ADGRD1: variants seen among roughly 807,000 people sequenced by gnomAD.
The protein encoded by ADGRD1 is adhesion G protein-coupled receptor D1.
Under a neutral mutation model 113.4 loss-of-function variants are expected in ADGRD1, and 77 were observed. The observed-to-expected ratio is 0.68, with a 90% CI of 0.57 to 0.82. ADGRD1 has a LOEUF of 0.82. Ranked by LOEUF, ADGRD1 falls within the 40% of genes least tolerant of loss-of-function variation. ADGRD1 has a pLI of 0.00. For missense variants in ADGRD1, 1,036 were observed against 1,139.1 expected (o/e 0.91, Z 1.30); for synonymous variants, 474 against 475.0 (o/e 1.00, Z 0.03).
intron 13 of ADGRD1, among the ~76,000 whole-genome samples, chr12:131,014,993 T>C (rs1466954732): frequency 6.6e-6 from 1 of 152,266 alleles, no homozygotes; most frequent in Non-Finnish European, 1.5e-5. Context: ...GCCAGGTTCA[T>C]GTCAGGAGGT....
chr12:130,991,197 TG>T, intron 7 of ADGRD1, 119 bp downstream of exon 7: 1 of 738,884 alleles, frequency 1.4e-6, no homozygotes, highest in Admixed American at 2.4e-5. Context: ...GTACATTGTC[TG>T]GGAAGAAATA....
At chr12:131,137,164 C>T (rs979274395) in intron 23 of ADGRD1, 150 bp downstream of exon 23, 25 of 695,488 alleles carry the variant, frequency 3.6e-5, no homozygotes, top group Non-Finnish European at 6.5e-5. Flanking sequence ...AGTTGTGTGC[C>T]CTGGGGCCTG....
At chr12:131,070,706 C>T (rs1005942617) in intron 13 of ADGRD1, 1 of 440,146 alleles carries the variant, frequency 2.3e-6, no homozygotes, top group Non-Finnish European at 4.7e-6. Flanking sequence ...AGGGCGTGTC[C>T]ATCACTGCAA....
intron 6 of ADGRD1, chr12:130,988,376 C>CTGCT (rs1873951872): frequency 3.3e-5 from 5 of 152,200 alleles, no homozygotes; most frequent in Admixed American, 2.6e-4. Context: ...CCCATGTAGG[C>CTGCT]ACTCACAAAC....
At chr12:131,097,757 C>G (rs572503927) in intron 15 of ADGRD1, among the ~76,000 whole-genome samples, 52 of 152,340 alleles carry the variant, frequency 3.4e-4, no homozygotes, top group African/African-American at 1.3e-3. Context: ...GCCAGCCTGG[C>G]CGGGACAGGG....
intron 15 of ADGRD1, among the ~76,000 whole-genome samples, chr12:131,098,322 C>T (rs1313366160): frequency 1.3e-5 from 2 of 152,088 alleles, no homozygotes; most frequent in African/African-American, 4.8e-5. Flanking sequence ...AGGTCAGAGG[C>T]ACGGGCTGGG....
intron 13 of ADGRD1, among the ~76,000 whole-genome samples, chr12:131,053,860 G>A (rs898938207): frequency 3.3e-4 from 50 of 152,318 alleles, no homozygotes; most frequent in African/African-American, 1.1e-3. Context: ...TAGCCCACCA[G>A]TGTAGTAGAC....
Position 131,057,470 on chromosome 12 carries a change from A to G in ADGRD1, c.1474-19331A>G, listed in dbSNP as rs1883972708. Reference sequence around the variant, plus strand: ...CCGTTCTCCTGCAGCTCTTGAGTCCACGAGTCTGAGACAAAGGCGTTGGCA... The same window carrying G: ...CCGTTCTCCTGCAGCTCTTGAGTCCGCGAGTCTGAGACAAAGGCGTTGGCA... On this transcript the variant is annotated intron_variant, in intron 13 of 24. Coordinates refer to ENST00000261654, the MANE Select transcript of ADGRD1 (RefSeq NM_198827.5). This position sits in a 1 kb window ranked among gnomAD's most constrained non-coding sequence, Gnocchi z 4.2. Among the ~76,000 whole-genome samples the G allele has an allele frequency of 6.6e-6, 1 of 152,062 alleles. No homozygotes were observed. Among genetic ancestry groups the G allele is most frequent in the Non-Finnish European group, 1.5e-5 (1 of 68,018 alleles).
Position 130,966,517 on chromosome 12 carries a change from G to A in ADGRD1, c.158G>A (p.Gly53Glu), listed in dbSNP as rs1237861399. The stretch of plus-strand genomic sequence containing the variant: ...TACTGGCCACTGGAGAATGTGGATG[G>A]GATCCATGAACTTCAGGATACAACT... ...SHYWPLENVDGIHELQDTTGD... is the reference protein window; with the variant it reads ...SHYWPLENVDEIHELQDTTGD... Residue 53 changes from glycine (G) to glutamate (E), a missense_variant, in exon 3 of 25, where the codon GGG becomes GAG. Gly to Glu is a moderately conservative substitution (Grantham distance 98). Transcript: ENST00000261654. This position sits in a 1 kb window ranked among gnomAD's most constrained non-coding sequence, Gnocchi z 4.6. 2 of 1,611,018 alleles carry A rather than the reference G, an allele frequency of 1.2e-6. No individual in the cohort carries two copies. Among genetic ancestry groups the A allele is most frequent in the Non-Finnish European group, 1.7e-6 (2 of 1,177,252 alleles).
intron 22 of ADGRD1, among the ~76,000 whole-genome samples, chr12:131,136,632 C>T (rs1012829473): frequency 3.9e-5 from 6 of 152,252 alleles, no homozygotes; most frequent in Admixed American, 1.3e-4. Context: ...CCCAGCCCTC[C>T]CTGGGCTACT....
intron 13 of ADGRD1, among the ~76,000 whole-genome samples, chr12:131,046,424 C>T (rs1312919827): frequency 1.6e-5 from 2 of 123,134 alleles, no homozygotes; most frequent in African/African-American, 3.6e-5. Flanking sequence ...TCAGCGCTCC[C>T]TCCCTGGTCA....
chr12:130,954,621 C>T lies in ADGRD1; in HGVS notation c.67-3C>T. On this transcript the variant is annotated splice_region_variant and splice_polypyrimidine_tract_variant and intron_variant, in intron 1 of 24. Transcript: ENST00000261654. The surrounding 1 kb of genome is among the most constrained non-coding windows in gnomAD (Gnocchi z 4.7). Reference sequence around the variant, plus strand: ...GTCTCACACTGTGGTCTTTTGTGCGCAGGTGCGTGGCGTCTACTCCAGATC... The same window carrying T: ...GTCTCACACTGTGGTCTTTTGTGCGTAGGTGCGTGGCGTCTACTCCAGATC... 6.2e-7 allele frequency: 1 copy of T among 1,613,964 alleles called. No homozygotes were observed. Among genetic ancestry groups the T allele is most frequent in the Non-Finnish European group, 8.5e-7 (1 of 1,180,008 alleles).
At chr12:130,994,636 T>C (rs1874981962) in intron 8 of ADGRD1, among the ~76,000 whole-genome samples, 1 of 152,206 alleles carries the variant, frequency 6.6e-6, no homozygotes, top group African/African-American at 2.4e-5. Flanking sequence ...ATAAATTAAT[T>C]AGACGAATGT....
rs377630773 is a variant in ADGRD1, at chr12:131,007,791, A to G, written c.1331+1744A>G. ...AGAACTGGCTGTGCAGCGATGGAACATGTTTTTCATTTGCAGTGAAGTTGG... is the reference window on the plus strand; with the variant it reads ...AGAACTGGCTGTGCAGCGATGGAACGTGTTTTTCATTTGCAGTGAAGTTGG... On this transcript the variant is annotated intron_variant, in intron 12 of 24. Coordinates refer to ENST00000261654, the MANE Select transcript of ADGRD1 (RefSeq NM_198827.5). Among the ~76,000 whole-genome samples the G allele has an allele frequency of 5.3e-5, 8 of 152,260 alleles. No individual in the cohort carries two copies. In the East Asian group the frequency reaches 9.6e-4, roughly 18 times the overall value.
chr12:131,099,544 C>T (rs1254199115), intron 15 of ADGRD1, among the ~76,000 whole-genome samples: 2 of 152,188 alleles, frequency 1.3e-5, no homozygotes, highest in Non-Finnish European at 2.9e-5. Context: ...GGTTTGCAGA[C>T]CCTGACGTGT....
chr12:131,118,323 G>A (rs1950514716), intron 18 of ADGRD1, 62 bp from the exon 19 acceptor site: 2 of 1,165,836 alleles, frequency 1.7e-6, no homozygotes, highest in South Asian at 2.7e-5. Context: ...AGGGATGGGG[G>A]AGGCGGGAGG....
intron 15 of ADGRD1, among the ~76,000 whole-genome samples, chr12:131,093,381 C>T (rs998623951): frequency 1.3e-5 from 2 of 152,192 alleles, no homozygotes; most frequent in Non-Finnish European, 2.9e-5. Flanking sequence ...CGTGGGGGCA[C>T]ACCACGCCTT....
intron 13 of ADGRD1, among the ~76,000 whole-genome samples, chr12:131,046,332 C>T (rs112271947): frequency 5.2e-5 from 7 of 133,746 alleles, no homozygotes; most frequent in Non-Finnish European, 1.1e-4. Context: ...CCTCCCTGGT[C>T]AGTGCTCCCT....
At chr12:130,989,634 T>G (rs1430620349) in intron 6 of ADGRD1, 1 of 152,266 alleles carries the variant, frequency 6.6e-6, no homozygotes, top group Non-Finnish European at 1.5e-5. Flanking sequence ...AGTCTTTCTT[T>G]ACATGAAGAC....
Sources: allele counts gnomAD v4.1 joint callset (sites outside exome capture counted in the v4.1 genomes callset), GRCh38; gene constraint gnomAD v4.1.1; non-coding constraint Gnocchi (gnomAD v3.1); transcripts MANE v1.5; gene names NCBI Gene and HGNC (gene_info 2026-07-23, HGNC 2026-07-21).